TMPRSS15: variants seen among roughly 807,000 people sequenced by gnomAD.
TMPRSS15 encodes the protein enteropeptidase.
A neutral mutation model predicts 125.3 loss-of-function variants in TMPRSS15; 128 were observed. That is an observed-to-expected ratio of 1.02 (90% CI 0.89 to 1.18). The LOEUF (loss-of-function observed/expected upper bound fraction) is 1.18, where lower values mean the gene tolerates loss of function less well. Ranked by LOEUF, TMPRSS15 falls within the 50% of genes most tolerant of loss-of-function variation. TMPRSS15 has a pLI of 0.00. For synonymous variants in TMPRSS15, 446 were observed against 423.2 expected, an observed-to-expected ratio of 1.05 and a Z score of -0.66; for missense variants, 1,283 against 1,212.7, an observed-to-expected ratio of 1.06 and a Z score of -0.86.
intron 1 of TMPRSS15, among the ~76,000 whole-genome samples, chr21:18,476,397 T>A (rs1168818446): frequency 1.3e-5 from 2 of 152,184 alleles, no homozygotes; most frequent in Non-Finnish European, 2.9e-5. Context: ...TTTCAAATCA[T>A]TGTGCAAGAG....
At chr21:18,382,588 T>C (rs2075902596) in intron 4 of TMPRSS15, among the ~76,000 whole-genome samples, 1 of 152,186 alleles carries the variant, frequency 6.6e-6, no homozygotes, top group Non-Finnish European at 1.5e-5. Flanking sequence ...AACATACCGA[T>C]TGATCTCATT....
rs555380903 is a variant in TMPRSS15 at position 18,269,589 on chromosome 21, A to AATT, written c.*377_*379dup. On this transcript the variant is annotated 3_prime_UTR_variant, in exon 25 of 25. Coordinates refer to ENST00000284885, the MANE Select transcript of TMPRSS15 (RefSeq NM_002772.3). ...AACAGTGACATACTTTGGGAAAAAC[A>AATT]ATTTATTTTCTTTCTTTTTTAAATT... The AATT allele has an allele frequency of 3.8e-3, 627 of 162,954 alleles. 3 individuals carry two copies. The highest frequency in any genetic ancestry group is 6.2e-3 in the Non-Finnish European group (462 of 74,894). The allele number at this position is 162,954 out of a possible 1,614,324, so 10.1% of individuals were successfully genotyped here. A position where few individuals can be genotyped will look rare whatever the true frequency, so the allele number is the denominator to read the frequency against.
At chr21:18,342,297 T>C (rs2075455515) in intron 12 of TMPRSS15, among the ~76,000 whole-genome samples, 1 of 152,240 alleles carries the variant, frequency 6.6e-6, no homozygotes, top group Non-Finnish European at 1.5e-5. Context: ...ACATTGATCT[T>C]ATTTAATTTT....
At chr21:18,295,391 C>T (rs908207274) in intron 19 of TMPRSS15, among the ~76,000 whole-genome samples, 32 of 152,166 alleles carry the variant, frequency 2.1e-4, no homozygotes, top group African/African-American at 7.5e-4. Context: ...AGAGTACTTG[C>T]TCCCACTATT....
intron 16 of TMPRSS15, among the ~76,000 whole-genome samples, 166 bp downstream of exon 16, chr21:18,326,266 C>T (rs188676658): frequency 1.3e-5 from 2 of 152,184 alleles, no homozygotes; most frequent in South Asian, 2.1e-4. Flanking sequence ...ACTCAGGTAA[C>T]GGTACTACAG....
chr21:18,410,343 C>A (rs900585402), intron 1 of TMPRSS15, among the ~76,000 whole-genome samples: 1 of 152,012 alleles, frequency 6.6e-6, no homozygotes, highest in African/African-American at 2.4e-5. Flanking sequence ...ACATACTATT[C>A]TCTACAATTT....
Position 18,397,516 on chromosome 21 carries a change from C to T in TMPRSS15, c.344+363G>A, listed in dbSNP as rs926278742. The stretch of plus-strand genomic sequence containing the variant: ...TACACAGTGGACAAGTACCTTCTCT[C>T]TAGGTATTTATAGTATAAATGAAGC... On this transcript the variant is annotated intron_variant, in intron 3 of 24. Transcript: ENST00000284885. Among the ~76,000 whole-genome samples, 97 of 152,028 alleles carry T rather than the reference C, an allele frequency of 6.4e-4. 6 individuals carry two copies. Among genetic ancestry groups the T allele is most frequent in the Non-Finnish European group, 1.0e-4 (7 of 67,986 alleles).
At chr21:18,353,903 A>G (rs762408214) in intron 8 of TMPRSS15, 40 bp from the exon 9 acceptor site, 1 of 1,567,982 alleles carries the variant, frequency 6.4e-7, no homozygotes, top group Non-Finnish European at 8.8e-7. Context: ...GTATATATCT[A>G]TCTGTTCATC....
At chr21:18,465,797 G>A (rs1978648303) in intron 1 of TMPRSS15, among the ~76,000 whole-genome samples, 1 of 152,138 alleles carries the variant, frequency 6.6e-6, no homozygotes, top group Non-Finnish European at 1.5e-5. Context: ...CTATGCTCAT[G>A]GATAGGAAGA....
At chr21:18,455,908 A>T (rs1978433299) in intron 1 of TMPRSS15, among the ~76,000 whole-genome samples, 1 of 152,186 alleles carries the variant, frequency 6.6e-6, no homozygotes, top group Non-Finnish European at 1.5e-5. Context: ...TTGTATAGCA[A>T]TCTAGATAAC....
intron 10 of TMPRSS15, among the ~76,000 whole-genome samples, chr21:18,347,502 T>C (rs2075521272): frequency 6.6e-6 from 1 of 152,174 alleles, no homozygotes; most frequent in Admixed American, 6.5e-5. Context: ...TGTGTTGGGA[T>C]TACAGGCATC....
intron 1 of TMPRSS15, among the ~76,000 whole-genome samples, chr21:18,400,743 CT>C (rs969039397): frequency 1.3e-5 from 2 of 152,062 alleles, no homozygotes; most frequent in Non-Finnish European, 2.9e-5. Context: ...CCTAATTAAA[CT>C]AAAGATCTTC....
chr21:18,433,389 A>G (rs149910860), intron 1 of TMPRSS15, among the ~76,000 whole-genome samples: 2 of 152,242 alleles, frequency 1.3e-5, no homozygotes, highest in African/African-American at 4.8e-5. Context: ...TGCCTCATTT[A>G]TCTTAAAAAT....
At chr21:18,459,703 A>G (rs1978515640) in intron 1 of TMPRSS15, among the ~76,000 whole-genome samples, 2 of 152,172 alleles carry the variant, frequency 1.3e-5, no homozygotes, top group Admixed American at 1.3e-4. Flanking sequence ...TTTCATATAA[A>G]TTTTACAATT....
At chr21:18,454,429 A>G (rs948935093) in intron 1 of TMPRSS15, among the ~76,000 whole-genome samples, 3 of 152,158 alleles carry the variant, frequency 2.0e-5, no homozygotes, top group Non-Finnish European at 4.4e-5. Flanking sequence ...ATAGAGATAT[A>G]TAAAAGGAGA....
At chr21:18,391,770 G>A (rs759655585) in intron 3 of TMPRSS15, among the ~76,000 whole-genome samples, 2 of 152,230 alleles carry the variant, frequency 1.3e-5, no homozygotes, top group Admixed American at 6.5e-5. Flanking sequence ...CACTGCTCTA[G>A]CAGAAGTTCT....
intron 1 of TMPRSS15, among the ~76,000 whole-genome samples, chr21:18,425,475 T>C (rs2076200730): frequency 6.6e-6 from 1 of 152,138 alleles, no homozygotes; most frequent in Non-Finnish European, 1.5e-5. Flanking sequence ...TAACTCTTCA[T>C]TGAGCAAAAG....
intron 21 of TMPRSS15, among the ~76,000 whole-genome samples, chr21:18,283,547 T>C (rs1229316476): frequency 1.1e-4 from 16 of 151,740 alleles, no homozygotes; most frequent in Non-Finnish European, 1.5e-5. Context: ...AGTGTATGTA[T>C]ATAAATTATC....
At chr21:18,466,654 G>A (rs1978668171) in intron 1 of TMPRSS15, among the ~76,000 whole-genome samples, 1 of 152,070 alleles carries the variant, frequency 6.6e-6, no homozygotes, top group South Asian at 2.1e-4. Context: ...ACAAACATAT[G>A]AAAAAAAGCT....
Sources: allele counts gnomAD v4.1 joint callset (sites outside exome capture counted in the v4.1 genomes callset), GRCh38; gene constraint gnomAD v4.1.1; transcripts MANE v1.5; gene names NCBI Gene and HGNC (gene_info 2026-07-23, HGNC 2026-07-21).